The following LRBA variants were observed in gnomAD, a reference collection of about 807,000 sequenced individuals.
The protein encoded by LRBA is LPS responsive beige-like anchor protein, also known as lipopolysaccharide-responsive and beige-like anchor protein.
Under a neutral mutation model 330.0 loss-of-function variants are expected in LRBA, and 176 were observed. The ratio of observed to expected loss-of-function variants is 0.53; its 90% CI spans 0.47 to 0.60. The LOEUF (loss-of-function observed/expected upper bound fraction) is 0.60. LRBA is among the 20% of genes least tolerant of loss of function. The pLI, the probability that LRBA is intolerant of heterozygous loss-of-function variation, is 0.00. For missense variants in LRBA, 3,259 were observed against 3,444.8 expected (o/e 0.95, Z 1.35); for synonymous variants, 1,230 against 1,193.0 (o/e 1.03, Z -0.64).
chr4:150,692,840 G>A (rs1784257767), intron 36 of LRBA, among the ~76,000 whole-genome samples: 1 of 152,166 alleles, frequency 6.6e-6, no homozygotes, highest in Non-Finnish European at 1.5e-5. Context: ...CTACACTGAG[G>A]CTGGGAGTGG....
intron 2 of LRBA, among the ~76,000 whole-genome samples, chr4:151,011,493 G>T (rs890034993): frequency 6.6e-6 from 1 of 151,074 alleles, no homozygotes; most frequent in Non-Finnish European, 1.5e-5. Context: ...AGCTACTTGG[G>T]AGTCTGAGGC....
chr4:150,731,278 C>T (rs1730422043), intron 36 of LRBA, among the ~76,000 whole-genome samples: 1 of 152,114 alleles, frequency 6.6e-6, no homozygotes. Flanking sequence ...ATCCAGCAAT[C>T]CCACTGCTAG....
chr4:150,446,680 C>G (rs1172232391), intron 44 of LRBA, among the ~76,000 whole-genome samples: 2 of 152,178 alleles, frequency 1.3e-5, no homozygotes, highest in Non-Finnish European at 2.9e-5. Flanking sequence ...AGTGCTCCCT[C>G]AAGGAAAGCA....
chr4:150,428,349 G>A (rs1749917053), intron 46 of LRBA, among the ~76,000 whole-genome samples: 1 of 151,910 alleles, frequency 6.6e-6, no homozygotes, highest in Non-Finnish European at 1.5e-5. Context: ...GTCCATGTTC[G>A]CAAAGCTATC....
At chr4:150,913,913 C>T (rs1358292055) in intron 9 of LRBA, among the ~76,000 whole-genome samples, 15 of 152,030 alleles carry the variant, frequency 9.9e-5, no homozygotes, top group Non-Finnish European at 4.4e-5. Flanking sequence ...TTATGGGGCC[C>T]ATAAAATGTT....
chr4:150,537,604 A>T (rs576459706), intron 40 of LRBA, among the ~76,000 whole-genome samples: 1 of 152,230 alleles, frequency 6.6e-6, no homozygotes, highest in Non-Finnish European at 1.5e-5. Context: ...CCTAATATCC[A>T]GAATCTATAG....
At chr4:150,719,991 TAAGA>T (rs1310438287) in intron 36 of LRBA, among the ~76,000 whole-genome samples, 1 of 152,148 alleles carries the variant, frequency 6.6e-6, no homozygotes, top group Non-Finnish European at 1.5e-5. Context: ...TGAGGATTTC[TAAGA>T]AAGACTCCTC....
intron 56 of LRBA, among the ~76,000 whole-genome samples, chr4:150,274,797 T>A (rs1746547051): frequency 6.6e-6 from 1 of 152,028 alleles, no homozygotes; most frequent in Non-Finnish European, 1.5e-5. Flanking sequence ...ATCAATAGCC[T>A]ACCAACCAAA....
chr4:150,786,377 G>C (rs1329805551), intron 34 of LRBA, among the ~76,000 whole-genome samples: 1 of 151,440 alleles, frequency 6.6e-6, no homozygotes, highest in Admixed American at 6.6e-5. Flanking sequence ...CCGAGCAGCT[G>C]GGACTACAGG....
intron 2 of LRBA, among the ~76,000 whole-genome samples, chr4:150,975,785 G>A (rs555399721): frequency 4.2e-4 from 64 of 151,970 alleles, no homozygotes; most frequent in African/African-American, 1.4e-3. Flanking sequence ...AAAGAAAGAG[G>A]TAAGATTGAA....
chr4:150,697,033 GA>G (rs903444711), intron 36 of LRBA, among the ~76,000 whole-genome samples: 40 of 130,650 alleles, frequency 3.1e-4, no homozygotes, highest in Non-Finnish European at 3.7e-4. Flanking sequence ...AAAGAAAAAA[GA>G]AAAAAAAAAA....
At chr4:150,317,489 G>A (rs1441971718) in intron 50 of LRBA, among the ~76,000 whole-genome samples, 2 of 151,892 alleles carry the variant, frequency 1.3e-5, no homozygotes, top group Non-Finnish European at 2.9e-5. Context: ...AAACCACAAC[G>A]GCTCTTTTAA....
At chr4:150,661,733 C>T (rs1335514964) in intron 37 of LRBA, among the ~76,000 whole-genome samples, 1 of 151,962 alleles carries the variant, frequency 6.6e-6, no homozygotes, top group Non-Finnish European at 1.5e-5. Flanking sequence ...GACTCAGCTT[C>T]CTGTGTAGCT....
At chr4:150,918,972 A>G (rs1307359980) in intron 5 of LRBA, among the ~76,000 whole-genome samples, 1 of 152,230 alleles carries the variant, frequency 6.6e-6, no homozygotes, top group Non-Finnish European at 1.5e-5. Flanking sequence ...CCATAACAGC[A>G]TTATTCATAC....
At position 150,519,700 on chromosome 4, in the gene LRBA, T is replaced by C. The variant is rs550014003; in HGVS notation, c.6331-28665A>G. Among the ~76,000 whole-genome samples the C allele has an allele frequency of 3.3e-5, 5 of 152,324 alleles. No individual in the cohort carries two copies. The South Asian group carries it at 1.0e-3, about 32-fold the overall frequency. Reference sequence around the variant, plus strand: ...TGTGAACCTTGTGTTTTCAGTCCTCTTGGACAAATATTTAGGAGTGACACT... The same window carrying C: ...TGTGAACCTTGTGTTTTCAGTCCTCCTGGACAAATATTTAGGAGTGACACT... On this transcript the variant is annotated intron_variant, in intron 40 of 56. Coordinates refer to ENST00000651943, the MANE Select transcript of LRBA (RefSeq NM_001364905.1).
At position 150,828,622 on chromosome 4, in the gene LRBA, C is replaced by G. The variant is rs1269488205; in HGVS notation, c.4730-1G>C. On this transcript the variant is annotated splice_acceptor_variant, in intron 29 of 56. Coordinates refer to ENST00000651943, the MANE Select transcript of LRBA (RefSeq NM_001364905.1). LOFTEE classifies it high-confidence loss of function. ...GTGCTGAATGCTGCTGGTGTGATTT[C>G]TATATCATACCCAGAAACACAAGAA... 1 of 1,606,680 alleles carries G rather than the reference C, an allele frequency of 6.2e-7. No individual in the cohort carries two copies. Among genetic ancestry groups the G allele is most frequent in the South Asian group, 1.1e-5 (1 of 90,210 alleles).
At chr4:150,916,998 A>T (rs1732684567) in intron 5 of LRBA, among the ~76,000 whole-genome samples, 1 of 152,040 alleles carries the variant, frequency 6.6e-6, no homozygotes, top group African/African-American at 2.4e-5. Context: ...CTAAAAATAC[A>T]AAAAATTAGC....
At chr4:150,692,370 C>A (rs931575630) in intron 36 of LRBA, among the ~76,000 whole-genome samples, 1 of 152,078 alleles carries the variant, frequency 6.6e-6, no homozygotes, top group Admixed American at 6.5e-5. Flanking sequence ...AGGCATGCAC[C>A]ACCATGCCCA....
chr4:150,878,596 ACTAG>A (rs1728009245), intron 17 of LRBA, among the ~76,000 whole-genome samples: 1 of 151,878 alleles, frequency 6.6e-6, no homozygotes. Context: ...CTGATAGACC[ACTAG>A]CTAGATTAAA....
Sources: allele counts gnomAD v4.1 joint callset (sites outside exome capture counted in the v4.1 genomes callset), GRCh38; gene constraint gnomAD v4.1.1; transcripts MANE v1.5; gene names NCBI Gene and HGNC (gene_info 2026-07-23, HGNC 2026-07-21).